The following NPSR1 variants were observed in gnomAD, a reference collection of about 807,000 sequenced individuals.
NPSR1 encodes neuropeptide S receptor 1, also known as neuropeptide S receptor.
In NPSR1, 48 loss-of-function variants were observed where a neutral mutation model predicts 46.9. The observed-to-expected ratio is 1.02, with a 90% CI of 0.81 to 1.30. The LOEUF (loss-of-function observed/expected upper bound fraction) is 1.30, where lower values mean the gene tolerates loss of function less well. Among genes scored for constraint, NPSR1 ranks in the 50% most tolerant of loss-of-function variants. NPSR1 has a pLI of 0.00. For missense variants in NPSR1, 450 were observed against 449.5 expected (o/e 1.00, Z -0.01); for synonymous variants, 176 against 168.1 (o/e 1.05, Z -0.36).
chr7:34,674,713 G>A (rs1054747553), intron 1 of NPSR1, among the ~76,000 whole-genome samples: 7 of 152,166 alleles, frequency 4.6e-5, no homozygotes, highest in Admixed American at 3.9e-4. Flanking sequence ...GAGGGGCACG[G>A]AAAGCTTTGT....
chr7:34,789,908 A>T (rs1787652318), intron 3 of NPSR1, among the ~76,000 whole-genome samples: 1 of 152,112 alleles, frequency 6.6e-6, no homozygotes, highest in African/African-American at 2.4e-5. Flanking sequence ...AGAAAAGACC[A>T]GGATCAGATG....
chr7:34,809,424 G>A (rs1361771695), intron 3 of NPSR1, among the ~76,000 whole-genome samples: 1 of 150,668 alleles, frequency 6.6e-6, no homozygotes, highest in Non-Finnish European at 1.5e-5. Context: ...CTTGTGTCAT[G>A]GGGGTTTGTT....
intron 1 of NPSR1, among the ~76,000 whole-genome samples, chr7:34,662,217 G>A (rs1791489897): frequency 6.6e-6 from 1 of 152,142 alleles, no homozygotes; most frequent in Non-Finnish European, 1.5e-5. Flanking sequence ...TCCTTCGGTG[G>A]ATAGTTACAA....
intron 2 of NPSR1, among the ~76,000 whole-genome samples, chr7:34,763,526 T>A (rs1786281279): frequency 1.3e-5 from 2 of 151,270 alleles, no homozygotes; most frequent in Non-Finnish European, 3.0e-5. Flanking sequence ...CAAAAAAAAA[T>A]AATGTGTTCA....
rs190256554 is a variant in NPSR1 at position 34,670,965 on chromosome 7, C to T, written c.147+12406C>T. On this transcript the variant is annotated intron_variant, in intron 1 of 8. Coordinates refer to ENST00000360581, the MANE Select transcript of NPSR1 (RefSeq NM_207172.2). ...ATACAGCAAACTTAAATGATGTATT[C>T]AGGCACTGCTTAGTAATTCTACTTG... 1.4e-4 allele frequency among the ~76,000 whole-genome samples: 22 copies of T among 152,198 alleles called. No individual in the cohort carries two copies. The East Asian group carries it at 4.0e-3, about 28-fold the overall frequency.
chr7:34,813,747 G>A (rs1173833092), intron 4 of NPSR1, among the ~76,000 whole-genome samples: 1 of 152,168 alleles, frequency 6.6e-6, no homozygotes, highest in Non-Finnish European at 1.5e-5. Context: ...TCTAGTTATG[G>A]GAGTTAGACC....
At chr7:34,691,273 G>C (rs1041007864) in intron 2 of NPSR1, among the ~76,000 whole-genome samples, 1 of 152,080 alleles carries the variant, frequency 6.6e-6, no homozygotes, top group African/African-American at 2.4e-5. Flanking sequence ...ATCATAAAAG[G>C]ACACACAGAT....
chr7:34,673,962 T>C (rs1792186814), intron 1 of NPSR1, among the ~76,000 whole-genome samples: 1 of 152,142 alleles, frequency 6.6e-6, no homozygotes, highest in Non-Finnish European at 1.5e-5. Flanking sequence ...ATAATTCAAC[T>C]GTATTTGCAA....
At chr7:34,674,329 C>G (rs1026671473) in intron 1 of NPSR1, among the ~76,000 whole-genome samples, 8 of 152,206 alleles carry the variant, frequency 5.3e-5, no homozygotes, top group African/African-American at 1.9e-4. Flanking sequence ...TTGCTATCTG[C>G]TCCTACCTGT....
At chr7:34,759,586 C>T (rs1051178856) in intron 2 of NPSR1, among the ~76,000 whole-genome samples, 3 of 152,056 alleles carry the variant, frequency 2.0e-5, no homozygotes, top group African/African-American at 7.3e-5. Context: ...AGCCCCAGGC[C>T]AGGAATCAGC....
At chr7:34,840,264 G>A (rs1790516297) in intron 6 of NPSR1, among the ~76,000 whole-genome samples, 1 of 152,140 alleles carries the variant, frequency 6.6e-6, no homozygotes, top group Admixed American at 6.6e-5. Flanking sequence ...CCCTGAATGT[G>A]AAAACATTCT....
intron 2 of NPSR1, among the ~76,000 whole-genome samples, chr7:34,712,152 G>A (rs923246538): frequency 3.9e-5 from 6 of 152,116 alleles, no homozygotes; most frequent in African/African-American, 1.4e-4. Flanking sequence ...TGCAGATCAG[G>A]GACTGGATTT....
intron 1 of NPSR1, among the ~76,000 whole-genome samples, chr7:34,677,302 T>C (rs1052550091): frequency 2.0e-5 from 3 of 152,108 alleles, no homozygotes; most frequent in African/African-American, 7.2e-5. Flanking sequence ...GCCAGAGTCA[T>C]CAATGCCGAC....
rs34488646 is a variant in NPSR1 at position 34,844,517 on chromosome 7, A to G, written c.758-379A>G. Among the ~76,000 whole-genome samples the G allele has an allele frequency of 4.9e-3, 747 of 151,982 alleles. 7 individuals are homozygous for G. Among genetic ancestry groups the G allele is most frequent in the African/African-American group, 0.017 (725 of 41,430 alleles). On this transcript the variant is annotated intron_variant, in intron 6 of 8. Transcript: ENST00000360581. Reference sequence around the variant, plus strand: ...ACCATTTTAGAAAGTAACTTTGCCTAGGTTGCTAAAGTGGCCACATGGGTG... The same window carrying G: ...ACCATTTTAGAAAGTAACTTTGCCTGGGTTGCTAAAGTGGCCACATGGGTG...
intron 7 of NPSR1, among the ~76,000 whole-genome samples, chr7:34,847,949 T>G (rs187093524): frequency 6.6e-6 from 1 of 152,254 alleles, no homozygotes; most frequent in Admixed American, 6.5e-5. Context: ...AAGGGCATAG[T>G]GTGGGTGTTT....
chr7:34,698,473 A>G lies in NPSR1; in HGVS notation c.280+13789A>G, dbSNP rs1793648799. Reference sequence around the variant, plus strand: ...GAATGAAAACAGAGATAAAAACCAGAGAATGAATGCCCTGCCTAAAGACAT... The same window carrying G: ...GAATGAAAACAGAGATAAAAACCAGGGAATGAATGCCCTGCCTAAAGACAT... On this transcript the variant is annotated intron_variant, in intron 2 of 8. Coordinates refer to ENST00000360581, the MANE Select transcript of NPSR1 (RefSeq NM_207172.2). Among the ~76,000 whole-genome samples the G allele has an allele frequency of 2.0e-5, 3 of 152,210 alleles. No individual in the cohort carries two copies. The South Asian group carries it at 6.2e-4, about 32-fold the overall frequency.
intron 8 of NPSR1, among the ~76,000 whole-genome samples, chr7:34,863,877 A>G (rs1415685008): frequency 1.3e-5 from 2 of 151,824 alleles, no homozygotes; most frequent in African/African-American, 2.4e-5. Flanking sequence ...ATTACTAGGT[A>G]TATACCCAAA....
At chr7:34,827,709 C>A in intron 5 of NPSR1, 107 bp downstream of exon 5, 1 of 807,228 alleles carries the variant, frequency 1.2e-6, no homozygotes, top group Non-Finnish European at 2.0e-6. Context: ...TTCCTAGTGC[C>A]CTTGAGGGAA....
intron 2 of NPSR1, chr7:34,723,494 G>A (rs1251026236): frequency 6.6e-6 from 1 of 150,804 alleles, no homozygotes; most frequent in Non-Finnish European, 1.5e-5. Flanking sequence ...CAGGAGGAAG[G>A]GGGCACAAGA....
Sources: gnomAD v4.1 joint callset for allele counts (sites outside exome capture counted in the v4.1 genomes callset) on GRCh38, gnomAD v4.1.1 for gene constraint, MANE v1.5 for transcripts, NCBI Gene and HGNC (gene_info 2026-07-23, HGNC 2026-07-21) for gene names.